AP1AR: variants seen among roughly 807,000 people sequenced by gnomAD.
AP1AR encodes adaptor related protein complex 1 associated regulatory protein, also known as AP-1 complex-associated regulatory protein.
In AP1AR, 29 loss-of-function variants were observed where a neutral mutation model predicts 46.3. The observed-to-expected ratio is 0.63, with a 90% CI of 0.47 to 0.85. AP1AR has a LOEUF of 0.85. Among genes scored for constraint, AP1AR ranks in the 40% least tolerant of loss-of-function variants. The pLI, the probability that AP1AR is intolerant of heterozygous loss-of-function variation, is 0.00. For missense variants in AP1AR, 357 were observed against 356.3 expected (o/e 1.00, Z -0.02); for synonymous variants, 122 against 122.9 (o/e 0.99, Z 0.05).
At chr4:112,249,185 T>G (rs1025078335) in intron 1 of AP1AR, among the ~76,000 whole-genome samples, 2 of 152,100 alleles carry the variant, frequency 1.3e-5, no homozygotes, top group African/African-American at 4.8e-5. Flanking sequence ...TCCCAGCTAC[T>G]CGGGAGGCTG....
rs1375960683 is a variant in AP1AR, at chr4:112,271,247, C to T, written c.*2838C>T. Among the ~76,000 whole-genome samples the T allele has an allele frequency of 6.6e-6, 1 of 152,212 alleles. No homozygotes were observed. Among genetic ancestry groups the T allele is most frequent in the Non-Finnish European group, 1.5e-5 (1 of 68,020 alleles). On this transcript the variant is annotated 3_prime_UTR_variant, in exon 10 of 10. Coordinates refer to ENST00000274000, the MANE Select transcript of AP1AR (RefSeq NM_018569.6). ...AGATAGGCCATCGTAAAGGAGCTGT[C>T]AAAGGGCCATTTATCTTGCAAAATA...
intron 4 of AP1AR, among the ~76,000 whole-genome samples, chr4:112,260,460 C>G (rs1487983311): frequency 6.6e-6 from 1 of 151,954 alleles, no homozygotes; most frequent in Admixed American, 6.6e-5. Flanking sequence ...GGGTATATAC[C>G]CATAGGTCAG....
intron 3 of AP1AR, 67 bp from the exon 4 acceptor site, chr4:112,257,705 T>C: frequency 1.6e-6 from 2 of 1,253,024 alleles, no homozygotes; most frequent in Non-Finnish European, 2.2e-6. Context: ...ATAAAAATTG[T>C]ATTGGTTACT....
rs1363026201 is a variant in AP1AR, at chr4:112,272,377, G to A, written c.*3968G>A. Among the ~76,000 whole-genome samples the A allele has an allele frequency of 6.6e-6, 1 of 152,022 alleles. No homozygotes were observed. Among genetic ancestry groups the A allele is most frequent in the African/African-American group, 2.4e-5 (1 of 41,382 alleles). On this transcript the variant is annotated 3_prime_UTR_variant, in exon 10 of 10. Transcript: ENST00000274000. ...ATGGCAGAGTTTGGCCTTCCTCTGG[G>A]GGCATGACCAGACATGCGCAGTAAG... is the stretch of plus-strand genomic sequence containing the variant.
intron 1 of AP1AR, among the ~76,000 whole-genome samples, chr4:112,239,242 A>G (rs2110467225): frequency 6.6e-6 from 1 of 152,104 alleles, no homozygotes; most frequent in East Asian, 1.9e-4. Context: ...TGTTACCCTG[A>G]CTACCATGTC....
intron 1 of AP1AR, among the ~76,000 whole-genome samples, chr4:112,236,205 T>G (rs1297448982): frequency 6.6e-6 from 1 of 151,970 alleles, no homozygotes; most frequent in Non-Finnish European, 1.5e-5. Flanking sequence ...CTTCCTGTCT[T>G]CTGCCATAAA....
chr4:112,258,883 C>G (rs760931014), intron 4 of AP1AR, among the ~76,000 whole-genome samples: 1 of 152,092 alleles, frequency 6.6e-6, no homozygotes, highest in Non-Finnish European at 1.5e-5. Flanking sequence ...GAAGTTAGAG[C>G]TGAAGGGACA....
intron 1 of AP1AR, among the ~76,000 whole-genome samples, chr4:112,247,615 C>A (rs1725779379): frequency 6.6e-6 from 1 of 152,214 alleles, no homozygotes; most frequent in Non-Finnish European, 1.5e-5. Flanking sequence ...TTAGCAAATT[C>A]TGTCAGCCCT....
chr4:112,232,525 A>C (rs1256492856), intron 1 of AP1AR, among the ~76,000 whole-genome samples: 2 of 152,204 alleles, frequency 1.3e-5, no homozygotes, highest in Non-Finnish European at 2.9e-5. Flanking sequence ...CCCTGCGCTG[A>C]GCTTAGGTTT....
At chr4:112,252,238 C>T (rs1248937067) in intron 1 of AP1AR, among the ~76,000 whole-genome samples, 5 of 152,014 alleles carry the variant, frequency 3.3e-5, no homozygotes, top group Non-Finnish European at 7.4e-5. Context: ...GACCCTGTCT[C>T]CAAAAAAGAA....
At chr4:112,252,753 A>C (rs1174498321) in intron 1 of AP1AR, among the ~76,000 whole-genome samples, 1 of 152,216 alleles carries the variant, frequency 6.6e-6, no homozygotes, top group Non-Finnish European at 1.5e-5. Flanking sequence ...TCCACCACCA[A>C]AGATAACTAC....
rs1406090367 is a variant in AP1AR at position 112,270,772 on chromosome 4, G to C, written c.*2363G>C. 2.6e-5 allele frequency among the ~76,000 whole-genome samples: 4 copies of C among 152,268 alleles called. No homozygotes were observed. The highest frequency in any genetic ancestry group is 2.1e-4 in the South Asian group (1 of 4,828). ...GATGATACTGGAGTGGTAGTTAAGG[G>C]CCAGATGATGCAAGACCTTGTAGAC... On this transcript the variant is annotated 3_prime_UTR_variant, in exon 10 of 10. Coordinates refer to ENST00000274000, the MANE Select transcript of AP1AR (RefSeq NM_018569.6).
Position 112,240,751 on chromosome 4 carries a change from A to G in AP1AR, c.83+8577A>G, listed in dbSNP as rs146935978. ...AACATATCCCCTCTCACAGCATAGT[A>G]GTTGTTAATTTACCTGTGTGTCTAC... On this transcript the variant is annotated intron_variant, in intron 1 of 9. Transcript: ENST00000274000. 6.8e-3 allele frequency among the ~76,000 whole-genome samples: 1,034 copies of G among 152,258 alleles called. 4 individuals carry two copies. Among genetic ancestry groups the G allele is most frequent in the African/African-American group, 0.019 (785 of 41,544 alleles).
intron 2 of AP1AR, among the ~76,000 whole-genome samples, chr4:112,253,571 G>A (rs1227450345): frequency 2.6e-5 from 4 of 152,178 alleles, no homozygotes; most frequent in African/African-American, 7.2e-5. Flanking sequence ...GCCCCAGCAG[G>A]GGGGAGTCCA....
intron 3 of AP1AR, among the ~76,000 whole-genome samples, chr4:112,255,495 C>T (rs1726148554): frequency 6.6e-6 from 1 of 152,144 alleles, no homozygotes; most frequent in Admixed American, 6.5e-5. Context: ...GACTTAAACT[C>T]CTCGGCTTGA....
At chr4:112,237,534 T>G (rs1725307002) in intron 1 of AP1AR, among the ~76,000 whole-genome samples, 1 of 152,118 alleles carries the variant, frequency 6.6e-6, no homozygotes, top group African/African-American at 2.4e-5. Context: ...CTAGGCTTAT[T>G]AAAACCTCCA....
intron 3 of AP1AR, among the ~76,000 whole-genome samples, chr4:112,255,590 T>G (rs1426792582): frequency 6.6e-6 from 1 of 152,156 alleles, no homozygotes; most frequent in Non-Finnish European, 1.5e-5. Flanking sequence ...TTCTTTATAG[T>G]TTTCATAGAT....
intron 2 of AP1AR, 52 bp downstream of exon 2, chr4:112,253,308 G>T: frequency 7.2e-7 from 1 of 1,390,418 alleles, no homozygotes; most frequent in South Asian, 1.2e-5. Flanking sequence ...AAAGGCGGAA[G>T]GGGCTTTTTG....
intron 5 of AP1AR, among the ~76,000 whole-genome samples, chr4:112,261,977 A>AT (rs1726463357): frequency 6.6e-6 from 1 of 152,044 alleles, no homozygotes; most frequent in Non-Finnish European, 1.5e-5. Flanking sequence ...TCAAAAAAAA[A>AT]AAATAAATGC....
Sources: gnomAD v4.1 joint callset for allele counts (sites outside exome capture counted in the v4.1 genomes callset) on GRCh38, gnomAD v4.1.1 for gene constraint, MANE v1.5 for transcripts, NCBI Gene and HGNC (gene_info 2026-07-23, HGNC 2026-07-21) for gene names.